The following ANKRD31 variants were observed in gnomAD, a reference collection of about 807,000 sequenced individuals.
ANKRD31 encodes the protein ankyrin repeat domain 31, also known as ankyrin repeat domain-containing protein 31.
ANKRD31 carries 147 observed loss-of-function variants against 186.0 expected under a neutral mutation model. That is an observed-to-expected ratio of 0.79 (90% CI 0.69 to 0.91). The LOEUF is 0.91. Ranked by LOEUF, ANKRD31 falls within the 40% of genes least tolerant of loss-of-function variation. ANKRD31 has a pLI of 0.00. For missense variants in ANKRD31, 1,986 were observed against 2,148.8 expected (o/e 0.92, Z 1.50); for synonymous variants, 673 against 736.4 (o/e 0.91, Z 1.39).
At chr5:75,166,070 T>C (rs1219310754) in intron 11 of ANKRD31, among the ~76,000 whole-genome samples, 2 of 152,208 alleles carry the variant, frequency 1.3e-5, no homozygotes, top group African/African-American at 2.4e-5. Context: ...TAGTATTATG[T>C]CTGGGATTTC....
intron 17 of ANKRD31, among the ~76,000 whole-genome samples, chr5:75,125,852 G>C (rs376683398): frequency 1.1e-3 from 160 of 152,270 alleles, no homozygotes; most frequent in Non-Finnish European, 1.7e-3. Context: ...CCTGAGGGCC[G>C]AAGAGATTGG....
chr5:75,117,666 C>T (rs962245700), intron 18 of ANKRD31, among the ~76,000 whole-genome samples: 8 of 151,862 alleles, frequency 5.3e-5, no homozygotes, highest in African/African-American at 1.9e-4. Flanking sequence ...ATTCCCTCCC[C>T]TCAATACTTA....
In ANKRD31 at chr5:75,101,218, A is replaced by G. The variant is rs1746849167; in HGVS notation, c.5331+3010T>C. Among the ~76,000 whole-genome samples the G allele has an allele frequency of 2.0e-5, 3 of 152,292 alleles. No individual in the cohort carries two copies. The East Asian group carries it at 5.8e-4, about 29-fold the overall frequency. ...TCGCTGGATATGAAATTCTGGGTTG[A>G]AAATTCTTTTCTTTAAGAATGTTGA... is the stretch of plus-strand genomic sequence containing the variant. On this transcript the variant is annotated intron_variant, in intron 22 of 25. Transcript: ENST00000506364.
At chr5:75,176,899 T>C (rs1011704500) in intron 10 of ANKRD31, among the ~76,000 whole-genome samples, 1 of 151,472 alleles carries the variant, frequency 6.6e-6, no homozygotes, top group East Asian at 1.9e-4. Context: ...CTTTGACGAG[T>C]TGAGAGAGGA....
intron 17 of ANKRD31, among the ~76,000 whole-genome samples, chr5:75,125,359 T>TC (rs1441215030): frequency 6.6e-6 from 1 of 152,180 alleles, no homozygotes; most frequent in Non-Finnish European, 1.5e-5. Flanking sequence ...AAAGATGGGG[T>TC]CAGAAACTAC....
chr5:75,196,216 A>T lies in ANKRD31; in HGVS notation c.448-16T>A. ...CACTTAGTTCCTGTGTATTACAAAT[A>T]GAAATTACATCATTACAGCATATAC... On this transcript the variant is annotated splice_polypyrimidine_tract_variant and intron_variant, in intron 6 of 25. Transcript: ENST00000506364. 1 of 1,432,034 alleles carries T rather than the reference A, an allele frequency of 7.0e-7. No individual in the cohort carries two copies. Among genetic ancestry groups the T allele is most frequent in the Non-Finnish European group, 9.1e-7 (1 of 1,097,478 alleles). 88.7% of individuals were successfully genotyped at this position (1,432,034 alleles called of 1,614,324 possible). A position where few individuals can be genotyped will look rare whatever the true frequency, so the allele number is the denominator to read the frequency against.
chr5:75,232,855 C>T (rs1385106762), intron 1 of ANKRD31, among the ~76,000 whole-genome samples: 2 of 152,092 alleles, frequency 1.3e-5, no homozygotes, highest in East Asian at 3.9e-4. Flanking sequence ...ATAAAAACTC[C>T]TATGTAAAAG....
intron 23 of ANKRD31, among the ~76,000 whole-genome samples, chr5:75,089,934 G>A (rs960609579): frequency 6.6e-6 from 1 of 152,186 alleles, no homozygotes. Flanking sequence ...TCAAAGGCAG[G>A]AAATAACAGT....
chr5:75,234,383 C>T (rs1158061080), intron 1 of ANKRD31, among the ~76,000 whole-genome samples: 1 of 152,198 alleles, frequency 6.6e-6, no homozygotes, highest in Non-Finnish European at 1.5e-5. Flanking sequence ...CCAGTATAGA[C>T]TAGCCCTGAT....
chr5:75,210,546 G>A (rs971465051), intron 4 of ANKRD31, among the ~76,000 whole-genome samples: 1 of 152,108 alleles, frequency 6.6e-6, no homozygotes, highest in East Asian at 1.9e-4. Flanking sequence ...TTCATGCCAT[G>A]CTTTTATTTA....
At chr5:75,137,763 G>T in intron 17 of ANKRD31, 93 bp downstream of exon 17, 1 of 1,176,664 alleles carries the variant, frequency 8.5e-7, no homozygotes, top group Non-Finnish European at 1.1e-6. Flanking sequence ...TTGTTTTACT[G>T]AATCATTTTA....
intron 11 of ANKRD31, among the ~76,000 whole-genome samples, chr5:75,164,220 A>G (rs6885071): frequency 0.51 from 77,210 of 151,902 alleles, 22,670 homozygotes; most frequent in African/African-American, 0.82. Flanking sequence ...AGATCTTCCA[A>G]CCCCAAACTT....
intron 17 of ANKRD31, among the ~76,000 whole-genome samples, chr5:75,135,458 A>G (rs1277043669): frequency 6.6e-6 from 1 of 152,352 alleles, no homozygotes; most frequent in South Asian, 2.1e-4. Flanking sequence ...CCAACTTACA[A>G]GGGATGTGAA....
Position 75,107,527 on chromosome 5 carries a change from T to C in ANKRD31, c.4334A>G (p.Lys1445Arg). Residue 1445 changes from lysine to arginine, a missense_variant, in exon 21 of 26, where the codon AAA (lysine) becomes AGA (arginine). Coordinates refer to ENST00000506364, the MANE Select transcript of ANKRD31 (RefSeq NM_001372053.1). ...QKAERDDLAK[K>R]YRVSIESFKH... is the part of the protein sequence containing the mutation. ...TTTTTCTTTTTCTACTCACCTGTAT[T>C]TTTTAGCCAGATCATCCCTTTCTGC... 1 of 1,523,906 alleles carries C rather than the reference T, an allele frequency of 6.6e-7. No homozygotes were observed. The highest frequency in any genetic ancestry group is 8.8e-7 in the Non-Finnish European group (1 of 1,139,704). The allele number at this position is 1,523,906 out of a possible 1,614,324, so 94.4% of individuals were successfully genotyped here.
intron 12 of ANKRD31, among the ~76,000 whole-genome samples, chr5:75,150,804 A>G: frequency 6.6e-6 from 1 of 152,054 alleles, no homozygotes; most frequent in East Asian, 1.9e-4. Context: ...TTATCAAAGC[A>G]ATAATTTAAA....
chr5:75,161,229 G>C (rs1267826491), intron 11 of ANKRD31, among the ~76,000 whole-genome samples: 2 of 152,184 alleles, frequency 1.3e-5, no homozygotes, highest in African/African-American at 4.8e-5. Flanking sequence ...TAATGATGTG[G>C]ACAATGAAAT....
intron 11 of ANKRD31, among the ~76,000 whole-genome samples, chr5:75,166,928 T>C (rs1752964670): frequency 6.6e-6 from 1 of 152,240 alleles, no homozygotes; most frequent in Non-Finnish European, 1.5e-5. Flanking sequence ...TTTATTAAGA[T>C]GTAATTCACA....
chr5:75,204,312 C>G (rs1025808625), intron 5 of ANKRD31, among the ~76,000 whole-genome samples: 1 of 152,154 alleles, frequency 6.6e-6, no homozygotes, highest in Admixed American at 6.6e-5. Context: ...CCCAGGGTTA[C>G]AGATTACCTG....
chr5:75,082,944 A>G (rs1207131697), intron 24 of ANKRD31, among the ~76,000 whole-genome samples: 1 of 152,228 alleles, frequency 6.6e-6, no homozygotes, highest in East Asian at 1.9e-4. Context: ...TATGGAAAAC[A>G]GATTCGCTGT....
Sources: gnomAD v4.1 joint callset for allele counts (sites outside exome capture counted in the v4.1 genomes callset) on GRCh38, gnomAD v4.1.1 for gene constraint, MANE v1.5 for transcripts, NCBI Gene and HGNC (gene_info 2026-07-23, HGNC 2026-07-21) for gene names.